The following RGS21 variants were observed in gnomAD, a reference collection of about 807,000 sequenced individuals.
RGS21 encodes the protein regulator of G-protein signalling 21.
A neutral mutation model predicts 18.7 loss-of-function variants in RGS21; 19 were observed. The observed-to-expected ratio is 1.01, with a 90% CI of 0.71 to 1.49. The LOEUF (loss-of-function observed/expected upper bound fraction) is 1.49, where lower values mean the gene tolerates loss of function less well. Ranked by LOEUF, RGS21 falls within the 40% of genes most tolerant of loss-of-function variation. RGS21 has a pLI of 0.00. For synonymous variants in RGS21, 56 were observed against 57.8 expected, an observed-to-expected ratio of 0.97 and a Z score of 0.14; for missense variants, 194 against 176.8, an observed-to-expected ratio of 1.10 and a Z score of -0.55.
chr1:192,345,662 T>C (rs1253850049), intron 2 of RGS21, among the ~76,000 whole-genome samples: 2 of 152,076 alleles, frequency 1.3e-5, no homozygotes, highest in Non-Finnish European at 2.9e-5. Flanking sequence ...TGTTCCTCAT[T>C]CAAAATGGGC....
chr1:192,341,757 G>T (rs1658864934), intron 1 of RGS21, among the ~76,000 whole-genome samples: 1 of 114,570 alleles, frequency 8.7e-6, no homozygotes. Context: ...TAAAGACTTT[G>T]CATGGTTCTT....
At chr1:192,353,163 G>A (rs781047481) in intron 4 of RGS21, among the ~76,000 whole-genome samples, 1 of 151,572 alleles carries the variant, frequency 6.6e-6, no homozygotes, top group African/African-American at 2.4e-5. Flanking sequence ...GTACTTATAG[G>A]AAAAAAAGAT....
At chr1:192,322,211 A>C (rs1001741905) in intron 1 of RGS21, among the ~76,000 whole-genome samples, 3 of 152,134 alleles carry the variant, frequency 2.0e-5, no homozygotes, top group African/African-American at 7.2e-5. Context: ...TTGAATATAG[A>C]AGCATGACAT....
At chr1:192,334,322 G>T (rs1050863488) in intron 1 of RGS21, among the ~76,000 whole-genome samples, 2 of 152,036 alleles carry the variant, frequency 1.3e-5, no homozygotes, top group African/African-American at 4.8e-5. Context: ...ATAATAAATA[G>T]TTATATGCTA....
chr1:192,366,142 T>A lies in RGS21; in HGVS notation c.*18T>A. ...TTTTGTGAGGAAGGTAAAAGTTAAC[T>A]AATCACTATACTTCAGGGCTACAAT... On this transcript the variant is annotated 3_prime_UTR_variant, in exon 5 of 5. Transcript: ENST00000417209. 1 of 1,252,212 alleles carries A rather than the reference T, an allele frequency of 8.0e-7. No homozygotes were observed. The highest frequency in any genetic ancestry group is 1.1e-6 in the Non-Finnish European group (1 of 907,340). The allele number at this position is 1,252,212 out of a possible 1,614,324, so 77.6% of individuals were successfully genotyped here.
intron 4 of RGS21, among the ~76,000 whole-genome samples, chr1:192,353,836 A>G (rs557661110): frequency 3.3e-5 from 5 of 151,816 alleles, no homozygotes; most frequent in African/African-American, 1.2e-4. Context: ...TTGATAAAAC[A>G]AAATATAATT....
chr1:192,333,336 C>T (rs1435542721), intron 1 of RGS21, among the ~76,000 whole-genome samples: 2 of 151,270 alleles, frequency 1.3e-5, no homozygotes, highest in East Asian at 3.9e-4. Context: ...TAATCCTACA[C>T]ATTTAATCCA....
intron 1 of RGS21, among the ~76,000 whole-genome samples, chr1:192,331,962 A>G (rs563547904): frequency 6.6e-6 from 1 of 152,070 alleles, no homozygotes; most frequent in African/African-American, 2.4e-5. Flanking sequence ...TTTTGGGGAA[A>G]TTATTTGATG....
Position 192,365,925 on chromosome 1 carries a change from AC to A in RGS21, c.261del (p.Asn87LysfsTer28), listed in dbSNP as rs1659252502. ...FIEADAPKEI[N>X]IDFGTRDLIS... Reference sequence around the variant, plus strand: ...ATGCAACCTTATTTTCCACAGATTAACATTGACTTCGGTACCAGAGACCTCA... The same window carrying A: ...ATGCAACCTTATTTTCCACAGATTAAATTGACTTCGGTACCAGAGACCTCA... On this transcript the variant is annotated frameshift_variant, in exon 5 of 5. Coordinates refer to ENST00000417209, the MANE Select transcript of RGS21 (RefSeq NM_001039152.3). LOFTEE classifies it high-confidence loss of function. 2.5e-6 allele frequency: 4 copies of A among 1,584,494 alleles called. No individual in the cohort carries two copies. Among genetic ancestry groups the A allele is most frequent in the Non-Finnish European group, 3.5e-6 (4 of 1,155,144 alleles).
intron 1 of RGS21, among the ~76,000 whole-genome samples, chr1:192,334,395 T>C (rs1330830714): frequency 2.0e-5 from 3 of 152,174 alleles, no homozygotes; most frequent in African/African-American, 7.2e-5. Flanking sequence ...CATTTTTGTT[T>C]TAGAATTGAA....
chr1:192,331,909 G>T (rs1459468125), intron 1 of RGS21, among the ~76,000 whole-genome samples: 1 of 151,816 alleles, frequency 6.6e-6, no homozygotes. Flanking sequence ...CAACAATGAA[G>T]ATATTTAGAG....
Position 192,366,141 on chromosome 1 carries a change from C to CTAAT in RGS21, c.*18_*21dup, listed in dbSNP as rs59139714. The CTAAT allele has an allele frequency of 0.47, 638,340 of 1,359,832 alleles. 158,576 individuals are homozygous for CTAAT. Among genetic ancestry groups the CTAAT allele is most frequent in the African/African-American group, 0.62 (42,688 of 69,082 alleles). The allele number at this position is 1,359,832 out of a possible 1,614,324, so 84.2% of individuals were successfully genotyped here. On this transcript the variant is annotated 3_prime_UTR_variant, in exon 5 of 5. Coordinates refer to ENST00000417209, the MANE Select transcript of RGS21 (RefSeq NM_001039152.3). ...TTTTTGTGAGGAAGGTAAAAGTTAA[C>CTAAT]TAATCACTATACTTCAGGGCTACAA...
chr1:192,360,057 A>C (rs1659166512), intron 4 of RGS21, among the ~76,000 whole-genome samples: 2 of 151,888 alleles, frequency 1.3e-5, no homozygotes, highest in African/African-American at 4.8e-5. Context: ...TCATAATCCA[A>C]AATGTATTAT....
chr1:192,357,374 T>A (rs998537410), intron 4 of RGS21, among the ~76,000 whole-genome samples: 3 of 151,808 alleles, frequency 2.0e-5, no homozygotes, highest in Admixed American at 1.3e-4. Context: ...ACATTTTTAT[T>A]CATTCCTTCT....
intron 1 of RGS21, among the ~76,000 whole-genome samples, chr1:192,331,155 C>A (rs1216059595): frequency 1.3e-5 from 2 of 152,152 alleles, no homozygotes; most frequent in Non-Finnish European, 2.9e-5. Context: ...TTGTTAATGT[C>A]CGGCTGTATG....
intron 4 of RGS21, among the ~76,000 whole-genome samples, chr1:192,355,912 T>C (rs1659105389): frequency 6.6e-6 from 1 of 151,564 alleles, no homozygotes; most frequent in Non-Finnish European, 1.5e-5. Context: ...ATGTTGATTG[T>C]CATTCTATGA....
At chr1:192,354,818 T>C (rs1409194677) in intron 4 of RGS21, among the ~76,000 whole-genome samples, 1 of 151,748 alleles carries the variant, frequency 6.6e-6, no homozygotes, top group Admixed American at 6.6e-5. Flanking sequence ...CAAAGTTTTA[T>C]ATCTTTATTT....
At chr1:192,339,855 C>A (rs1326305035) in intron 1 of RGS21, among the ~76,000 whole-genome samples, 3 of 151,864 alleles carry the variant, frequency 2.0e-5, no homozygotes, top group Non-Finnish European at 4.4e-5. Context: ...TGTCATGAAC[C>A]CATAAACTGA....
intron 1 of RGS21, among the ~76,000 whole-genome samples, chr1:192,333,269 TACACACACACAC>T (rs137948736): frequency 2.1e-4 from 30 of 143,012 alleles, no homozygotes; most frequent in African/African-American, 6.5e-4. Context: ...GTTTCTTAAA[TACACACACACAC>T]ACACACACAC....
Sources: allele counts gnomAD v4.1 joint callset (sites outside exome capture counted in the v4.1 genomes callset), GRCh38; gene constraint gnomAD v4.1.1; transcripts MANE v1.5; gene names NCBI Gene and HGNC (gene_info 2026-07-23, HGNC 2026-07-21).